The following MZT1 variants were observed in gnomAD, a reference collection of about 807,000 sequenced individuals.
The protein encoded by MZT1 is mitotic spindle organizing protein 1.
In MZT1, 8 loss-of-function variants were observed where a neutral mutation model predicts 8.5. The observed-to-expected ratio is 0.94, with a 90% CI of 0.55 to 1.70. The LOEUF (loss-of-function observed/expected upper bound fraction) is 1.70. Among genes scored for constraint, MZT1 ranks in the 40% most tolerant of loss-of-function variants. The pLI, the probability that MZT1 is intolerant of heterozygous loss-of-function variation, is 0.00. For missense variants in MZT1, 93 were observed against 108.6 expected, an observed-to-expected ratio of 0.86 and a Z score of 0.64; for synonymous variants, 38 against 42.0, an observed-to-expected ratio of 0.90 and a Z score of 0.37.
At chr13:72,714,488 G>T (rs1439819086) in intron 2 of MZT1, among the ~76,000 whole-genome samples, 1 of 150,644 alleles carries the variant, frequency 6.6e-6, no homozygotes, top group Non-Finnish European at 1.5e-5. Context: ...TAAATAGAAG[G>T]CAAGTGCTGA....
rs1249929327 is a variant in MZT1, at chr13:72,727,573, C to A, written c.30G>T (p.Ala10=). 1.3e-6 allele frequency: 2 copies of A among 1,595,686 alleles called. No individual in the cohort carries two copies. Among genetic ancestry groups the A allele is most frequent in the Non-Finnish European group, 1.7e-6 (2 of 1,167,886 alleles). The change falls in exon 1 of 3, where the codon GCG becomes GCT. Residue 10 remains alanine (A), a synonymous_variant. Coordinates refer to ENST00000377818, the MANE Select transcript of MZT1 (RefSeq NM_001071775.3). MASSSGAGA[A]AAAAAANLNA... ...TCAGATTCGCCGCCGCGGCCGCCGC[C>A]GCCGCCCCAGCACCGCTGCTACTCG...
At chr13:72,715,848 T>C (rs1436118502) in intron 2 of MZT1, among the ~76,000 whole-genome samples, 1 of 152,188 alleles carries the variant, frequency 6.6e-6, no homozygotes, top group African/African-American at 2.4e-5. Context: ...CTATGCTTTC[T>C]ATACAGCCTG....
chr13:72,718,911 A>G, intron 2 of MZT1, 41 bp downstream of exon 2: 1 of 1,514,536 alleles, frequency 6.6e-7, no homozygotes, highest in Non-Finnish European at 8.8e-7. Context: ...TTTCTAAATA[A>G]AAGCATCTTT....
rs149055816 is a variant in MZT1, at chr13:72,714,904, G to A, written c.225+4048C>T. ...CATGGAGAATCTCTACTAGAGTAGT[G>A]CAGAGGGGAAATATGGGGTTGGAGC... On this transcript the variant is annotated intron_variant, in intron 2 of 2. Coordinates refer to ENST00000377818, the MANE Select transcript of MZT1 (RefSeq NM_001071775.3). 4.1e-3 allele frequency among the ~76,000 whole-genome samples: 619 copies of A among 152,306 alleles called. 2 individuals carry two copies. The highest frequency in any genetic ancestry group is 0.014 in the African/African-American group (588 of 41,566).
rs926380816 is a variant in MZT1, at chr13:72,709,042, C to T, written c.*1280G>A. On this transcript the variant is annotated 3_prime_UTR_variant, in exon 3 of 3. Coordinates refer to ENST00000377818, the MANE Select transcript of MZT1 (RefSeq NM_001071775.3). ...AAAAAACTCCACTGAGATTCTATTA[C>T]AGGAACAGAATCAATACTATTCTAC... The T allele has an allele frequency of 5.3e-5, 8 of 151,936 alleles. No individual in the cohort carries two copies. The East Asian group carries it at 1.3e-3, about 26-fold the overall frequency. 9.4% of individuals were successfully genotyped at this position (151,936 alleles called of 1,614,324 possible).
chr13:72,719,204 A>C (rs1037951218), intron 1 of MZT1, 107 bp from the exon 2 acceptor site: 1 of 865,766 alleles, frequency 1.2e-6, no homozygotes, highest in African/African-American at 1.8e-5. Context: ...CCAAGGAATT[A>C]GCATAGCATC....
chr13:72,722,162 G>C (rs560630916), intron 1 of MZT1, among the ~76,000 whole-genome samples: 1 of 152,220 alleles, frequency 6.6e-6, no homozygotes, highest in Non-Finnish European at 1.5e-5. Context: ...GCAAAAGACA[G>C]TGGTTAGGAG....
chr13:72,719,483 AC>A (rs2032572962), intron 1 of MZT1, among the ~76,000 whole-genome samples: 1 of 152,184 alleles, frequency 6.6e-6, no homozygotes, highest in Non-Finnish European at 1.5e-5. Flanking sequence ...CTACTCTGTT[AC>A]TTTAAAAGTT....
At chr13:72,718,634 C>T (rs113156510) in intron 2 of MZT1, among the ~76,000 whole-genome samples, 5 of 152,172 alleles carry the variant, frequency 3.3e-5, no homozygotes, top group Non-Finnish European at 7.4e-5. Context: ...CCCACCACCA[C>T]GCCTGGCTAA....
chr13:72,726,258 C>T (rs1037791333), intron 1 of MZT1, among the ~76,000 whole-genome samples: 1 of 152,034 alleles, frequency 6.6e-6, no homozygotes, highest in African/African-American at 2.4e-5. Flanking sequence ...GGGGAAACTC[C>T]GTCTCTACTA....
chr13:72,724,701 A>AAAATATAT (rs2032623121), intron 1 of MZT1, among the ~76,000 whole-genome samples: 1 of 32,642 alleles, frequency 3.1e-5, no homozygotes, highest in Non-Finnish European at 1.0e-4. Context: ...CTTACTACTA[A>AAAATATAT]ATATATATAT....
intron 1 of MZT1, among the ~76,000 whole-genome samples, chr13:72,726,159 G>A (rs189963425): frequency 4.0e-5 from 6 of 151,318 alleles, no homozygotes; most frequent in African/African-American, 1.4e-4. Context: ...GCCGGGCATG[G>A]TGGCTCACGC....
intron 1 of MZT1, among the ~76,000 whole-genome samples, chr13:72,723,459 C>T (rs929962800): frequency 6.6e-6 from 1 of 152,172 alleles, no homozygotes; most frequent in Non-Finnish European, 1.5e-5. Flanking sequence ...AAATTCCACA[C>T]CTCATATAAT....
At chr13:72,710,611 A>C (rs1421946929) in intron 2 of MZT1, among the ~76,000 whole-genome samples, 2 of 152,156 alleles carry the variant, frequency 1.3e-5, no homozygotes, top group Admixed American at 1.3e-4. Flanking sequence ...ACATACTGCT[A>C]CTTGAAACAT....
chr13:72,725,771 A>G (rs2032645001), intron 1 of MZT1, among the ~76,000 whole-genome samples: 1 of 152,092 alleles, frequency 6.6e-6, no homozygotes, highest in Admixed American at 6.5e-5. Context: ...TTCTGTTCAA[A>G]TGGGATCCTG....
chr13:72,719,787 A>G (rs1488585034), intron 1 of MZT1, among the ~76,000 whole-genome samples: 1 of 152,174 alleles, frequency 6.6e-6, no homozygotes, highest in East Asian at 1.9e-4. Context: ...ACTGCATTTT[A>G]TTGTAGTTGA....
chr13:72,719,804 T>G (rs1346853967), intron 1 of MZT1, among the ~76,000 whole-genome samples: 1 of 152,206 alleles, frequency 6.6e-6, no homozygotes, highest in East Asian at 1.9e-4. Flanking sequence ...TTGATAGAAC[T>G]CATTGTCTTT....
At position 72,727,622 on chromosome 13, in the gene MZT1, G is replaced by T; in HGVS notation, c.-20C>A. The T allele has an allele frequency of 1.9e-6, 3 of 1,573,114 alleles. No homozygotes were observed. The highest frequency in any genetic ancestry group is 1.7e-4 in the Middle Eastern group (1 of 5,974). ...CGCCATGGCTAAGGCCGAGGGAGGC[G>T]GGAGAAGGGCCTGACCCGGAACTGG... On this transcript the variant is annotated 5_prime_UTR_variant, in exon 1 of 3. Coordinates refer to ENST00000377818, the MANE Select transcript of MZT1 (RefSeq NM_001071775.3).
Position 72,708,421 on chromosome 13 carries a change from G to C in MZT1, c.*1901C>G, listed in dbSNP as rs1027167042. ...TGACAACAAGCACAACACTGCAATT[G>C]TATCATTATTTTGTTTAGTTTCTTA... On this transcript the variant is annotated 3_prime_UTR_variant, in exon 3 of 3. Transcript: ENST00000377818. 6.6e-6 allele frequency: 1 copy of C among 152,504 alleles called. No individual in the cohort carries two copies. The highest frequency in any genetic ancestry group is 1.5e-5 in the Non-Finnish European group (1 of 68,008). 9.4% of individuals were successfully genotyped at this position (152,504 alleles called of 1,614,324 possible). A position where few individuals can be genotyped will look rare whatever the true frequency, so the allele number is the denominator to read the frequency against.
Sources: allele counts gnomAD v4.1 joint callset (sites outside exome capture counted in the v4.1 genomes callset), GRCh38; gene constraint gnomAD v4.1.1; transcripts MANE v1.5; gene names NCBI Gene and HGNC (gene_info 2026-07-23, HGNC 2026-07-21).